PRUNE2: variants seen among roughly 807,000 people sequenced by gnomAD.
The protein encoded by PRUNE2 is prune homolog 2 with BCH domain.
A neutral mutation model predicts 252.0 loss-of-function variants in PRUNE2; 164 were observed. The ratio of observed to expected loss-of-function variants is 0.65; its 90% confidence interval spans 0.57 to 0.74. PRUNE2 has a LOEUF of 0.74. Among genes scored for constraint, PRUNE2 ranks in the 30% least tolerant of loss-of-function variants. The pLI, the probability that PRUNE2 is intolerant of heterozygous loss-of-function variation, is 0.00. For synonymous variants in PRUNE2, 1,292 were observed against 1,350.2 expected (o/e 0.96, Z 0.94); for missense variants, 3,495 against 3,711.0 (o/e 0.94, Z 1.51).
At chr9:76,784,511 G>A (rs1420977502) in intron 6 of PRUNE2, 1 of 152,140 alleles carries the variant, frequency 6.6e-6, no homozygotes, top group Non-Finnish European at 1.5e-5. Flanking sequence ...TCAAAACAAA[G>A]CTGTTGTAAT....
At position 76,815,353 on chromosome 9, in the gene PRUNE2, T is replaced by C. The variant is rs187108906; in HGVS notation, c.756+8279A>G. Among the ~76,000 whole-genome samples the C allele has an allele frequency of 2.3e-3, 346 of 152,272 alleles. 1 individual carries two copies. Among genetic ancestry groups the C allele is most frequent in the African/African-American group, 7.7e-3 (321 of 41,552 alleles). Reference sequence around the variant, plus strand: ...CTGGGTAATGTATAAGTAATAGACATTTATTTCTTATAGTTCTAGAGGCTG... The same window carrying C: ...CTGGGTAATGTATAAGTAATAGACACTTATTTCTTATAGTTCTAGAGGCTG... On this transcript the variant is annotated intron_variant, in intron 6 of 18. Coordinates refer to ENST00000376718, the MANE Select transcript of PRUNE2 (RefSeq NM_015225.3).
intron 6 of PRUNE2, chr9:76,784,589 T>C (rs2054777369): frequency 6.6e-6 from 1 of 152,256 alleles, no homozygotes; most frequent in Non-Finnish European, 1.5e-5. Flanking sequence ...ATTTTTAATA[T>C]TTAGTTCCCA....
chr9:76,674,143 T>C (rs910239000), intron 9 of PRUNE2, among the ~76,000 whole-genome samples: 2 of 151,750 alleles, frequency 1.3e-5, no homozygotes, highest in Non-Finnish European at 2.9e-5. Context: ...CATGATTGTA[T>C]ATCTAGAAAA....
chr9:76,809,210 C>T (rs1318172464), intron 6 of PRUNE2, among the ~76,000 whole-genome samples: 1 of 152,164 alleles, frequency 6.6e-6, no homozygotes, highest in Non-Finnish European at 1.5e-5. Flanking sequence ...TAGGTAGTGG[C>T]CCATTAGAGC....
intron 11 of PRUNE2, among the ~76,000 whole-genome samples, chr9:76,650,660 T>A (rs1486557292): frequency 6.6e-6 from 1 of 152,216 alleles, no homozygotes; most frequent in African/African-American, 2.4e-5. Context: ...ATTTAAAAAT[T>A]CAACTTAGTT....
intron 1 of PRUNE2, among the ~76,000 whole-genome samples, chr9:76,866,678 A>G (rs1462569832): frequency 1.3e-5 from 2 of 151,892 alleles, no homozygotes; most frequent in Non-Finnish European, 2.9e-5. Flanking sequence ...TAAGTACAAA[A>G]AAGGAAGGAA....
intron 4 of PRUNE2, among the ~76,000 whole-genome samples, chr9:76,830,997 T>A (rs1372915988): frequency 3.3e-5 from 5 of 151,422 alleles, no homozygotes; most frequent in East Asian, 3.9e-4. Context: ...TTGCGTGATC[T>A]CGGCTCTCTG....
intron 4 of PRUNE2, among the ~76,000 whole-genome samples, chr9:76,837,382 C>T (rs2059060000): frequency 6.6e-6 from 1 of 151,646 alleles, no homozygotes; most frequent in Non-Finnish European, 1.5e-5. Context: ...GCAGAGATTG[C>T]AGTGAGCCAA....
intron 16 of PRUNE2, among the ~76,000 whole-genome samples, chr9:76,628,151 CA>C (rs949682892): frequency 6.0e-5 from 9 of 151,108 alleles, no homozygotes; most frequent in East Asian, 1.9e-4. Context: ...TGAACAACAA[CA>C]AAAAAAAAGA....
chr9:76,887,509 C>A (rs934777916), intron 1 of PRUNE2, among the ~76,000 whole-genome samples: 1 of 152,178 alleles, frequency 6.6e-6, no homozygotes, highest in South Asian at 2.1e-4. Flanking sequence ...CGTCCCTGCA[C>A]GGTGCCATAA....
chr9:76,628,707 TA>T (rs745409917), intron 16 of PRUNE2, among the ~76,000 whole-genome samples: 2 of 152,210 alleles, frequency 1.3e-5, no homozygotes, highest in Admixed American at 6.5e-5. Context: ...AAAGAGGATC[TA>T]AAAGAACACA....
chr9:76,764,138 C>G (rs542921171), intron 6 of PRUNE2, among the ~76,000 whole-genome samples: 9 of 152,310 alleles, frequency 5.9e-5, no homozygotes, highest in African/African-American at 2.2e-4. Flanking sequence ...GTGTTTCTGG[C>G]ACTGTTCTAG....
intron 6 of PRUNE2, among the ~76,000 whole-genome samples, chr9:76,714,836 C>T (rs1472499729): frequency 1.3e-5 from 2 of 152,160 alleles, no homozygotes; most frequent in African/African-American, 4.8e-5. Flanking sequence ...AAATGTTTGT[C>T]GGATGACTGG....
At chr9:76,696,718 G>T (rs1002582358) in intron 9 of PRUNE2, among the ~76,000 whole-genome samples, 1 of 152,208 alleles carries the variant, frequency 6.6e-6, no homozygotes, top group Non-Finnish European at 1.5e-5. Flanking sequence ...GAGGCGCCAC[G>T]CCCAGCCTCC....
rs2041276900 is a variant in PRUNE2 at position 76,670,793 on chromosome 9, C to T, written c.8277-15291G>A. On this transcript the variant is annotated intron_variant, in intron 9 of 18. Transcript: ENST00000376718. ...GGAGGCACCCCCCAGCAGGGGCACA[C>T]TGACACCTCACACGGCAGGGTACTC... Among the ~76,000 whole-genome samples, 3 of 151,786 alleles carry T rather than the reference C, an allele frequency of 2.0e-5. No individual in the cohort carries two copies. The South Asian group carries it at 6.3e-4, about 32-fold the overall frequency.
chr9:76,698,870 A>AAT (rs1304883364), intron 9 of PRUNE2, among the ~76,000 whole-genome samples: 3 of 152,208 alleles, frequency 2.0e-5, no homozygotes, highest in African/African-American at 7.2e-5. Context: ...CATAGAACCA[A>AAT]ATACACTGTG....
intron 12 of PRUNE2, chr9:76,641,826 C>A (rs754094654): frequency 1.9e-5 from 19 of 988,082 alleles, no homozygotes; most frequent in South Asian, 5.6e-5. Flanking sequence ...GGATGTAACA[C>A]AAGTTTGCTG....
chr9:76,636,001 C>T (rs1839901283), intron 15 of PRUNE2, among the ~76,000 whole-genome samples: 1 of 152,174 alleles, frequency 6.6e-6, no homozygotes, highest in South Asian at 2.1e-4. Flanking sequence ...GCTGCCCAGA[C>T]TCTATATAAC....
chr9:76,660,032 G>C (rs1033020997), intron 9 of PRUNE2, among the ~76,000 whole-genome samples: 1 of 152,010 alleles, frequency 6.6e-6, no homozygotes, highest in African/African-American at 2.4e-5. Flanking sequence ...AAAAATACAA[G>C]AAATGCTATA....
Sources: gnomAD v4.1 joint callset for allele counts (sites outside exome capture counted in the v4.1 genomes callset) on GRCh38, gnomAD v4.1.1 for gene constraint, MANE v1.5 for transcripts, NCBI Gene and HGNC (gene_info 2026-07-23, HGNC 2026-07-21) for gene names.